HELZ: variants seen among roughly 807,000 people sequenced by gnomAD.
HELZ encodes ATP-dependent RNA helicase with zinc finger domain.
A neutral mutation model predicts 218.2 loss-of-function variants in HELZ; 23 were observed. The ratio of observed to expected loss-of-function variants is 0.11; its 90% CI spans 0.08 to 0.15. The LOEUF (loss-of-function observed/expected upper bound fraction) is 0.15. Ranked by LOEUF, HELZ falls within the 10% of genes least tolerant of loss-of-function variation. HELZ has a pLI of 1.00. For synonymous variants in HELZ, 814 were observed against 829.4 expected (o/e 0.98, Z 0.32); for missense variants, 1,813 against 2,353.7 (o/e 0.77, Z 4.75).
chr17:67,173,100 AAT>A (rs2039358648), intron 13 of HELZ: 1 of 909,998 alleles, frequency 1.1e-6, no homozygotes, highest in Non-Finnish European at 1.3e-6. Flanking sequence ...AATAAAATAA[AAT>A]AAAAGTCCTA....
intron 23 of HELZ, among the ~76,000 whole-genome samples, chr17:67,132,218 C>CTGTGTGTGTGTGTGTGTGTGTGTGTG (rs57691319): frequency 1.1e-4 from 17 of 147,974 alleles, no homozygotes; most frequent in South Asian, 1.1e-3. Context: ...CCTTAGGTCA[C>CTGTGTGTGTGTGTGTGTGTGTGTGTG]TGTGTGTGTG....
At chr17:67,182,424 G>A (rs1419125680) in intron 12 of HELZ, among the ~76,000 whole-genome samples, 1 of 152,194 alleles carries the variant, frequency 6.6e-6, no homozygotes, top group Middle Eastern at 3.4e-3. Context: ...TAGCCTGGGT[G>A]ACAAAGCAAG....
At chr17:67,190,525 T>C (rs544527292) in intron 9 of HELZ, among the ~76,000 whole-genome samples, 170 bp from the exon 10 acceptor site, 5 of 152,162 alleles carry the variant, frequency 3.3e-5, no homozygotes, top group African/African-American at 4.8e-5. Context: ...TTAGAGAACA[T>C]TTACAACAGT....
At position 67,078,238 on chromosome 17, in the gene HELZ, G is replaced by GAAA; in HGVS notation, c.*11_*13dup. 3.9e-6 allele frequency: 6 copies of GAAA among 1,541,244 alleles called. No individual in the cohort carries two copies. The highest frequency in any genetic ancestry group is 2.3e-5 in the South Asian group (2 of 85,614). Reference sequence around the variant, plus strand: ...GAAATTAAAACATTCTCCCTTGAGGGAAAAAAAAAGTGATTATTTAAAATA... The same window carrying GAAA: ...GAAATTAAAACATTCTCCCTTGAGGGAAAAAAAAAAAAGTGATTATTTAAAATA... On this transcript the variant is annotated 3_prime_UTR_variant, in exon 33 of 33. Transcript: ENST00000358691.
chr17:67,142,482 T>G (rs931032436), intron 21 of HELZ, among the ~76,000 whole-genome samples: 2 of 152,188 alleles, frequency 1.3e-5, no homozygotes, highest in Non-Finnish European at 2.9e-5. Context: ...CCTTCCAGCC[T>G]AGGTGACAGA....
At chr17:67,173,177 T>C (rs2039360443) in intron 13 of HELZ, 1 of 222,828 alleles carries the variant, frequency 4.5e-6, no homozygotes, top group African/African-American at 2.3e-5. Flanking sequence ...ATAGACTTTC[T>C]AGTAAAGGTT....
At position 67,160,925 on chromosome 17, in the gene HELZ, T is replaced by C; in HGVS notation, c.2047A>G (p.Lys683Glu). ...GTCTCCTGTTGCTGCAGAATATGTTTGACAGCCTGAGCTAGAGTGAACGTT... is the reference window on the plus strand; with the variant it reads ...GTCTCCTGTTGCTGCAGAATATGTTCGACAGCCTGAGCTAGAGTGAACGTT... ...GKTFTLAQAV[K>E]HILQQQETRI... Residue 683 changes from lysine to glutamate, a missense_variant, in exon 16 of 33, where the codon AAA (lysine) becomes GAA (glutamate). Lys to Glu is a moderately conservative substitution (Grantham distance 56). Around this residue, in one of 4 missense-constraint regions of HELZ, gnomAD observed 714 missense variants for 1,029.2 expected, o/e 0.69. Transcript: ENST00000358691. 1 of 1,609,828 alleles carries C rather than the reference T, an allele frequency of 6.2e-7. No homozygotes were observed. The highest frequency in any genetic ancestry group is 8.5e-7 in the Non-Finnish European group (1 of 1,178,134).
At chr17:67,154,450 A>T (rs1187115179) in intron 17 of HELZ, among the ~76,000 whole-genome samples, 3 of 152,168 alleles carry the variant, frequency 2.0e-5, no homozygotes, top group Non-Finnish European at 4.4e-5. Flanking sequence ...ATAATAATTT[A>T]AAAAGTAAAA....
chr17:67,110,997 A>C (rs772729723), intron 28 of HELZ, among the ~76,000 whole-genome samples: 7 of 152,248 alleles, frequency 4.6e-5, no homozygotes, highest in Non-Finnish European at 1.0e-4. Flanking sequence ...AAAGAGGTGG[A>C]ATATTCCAAG....
At chr17:67,227,466 T>C (rs933285438) in intron 3 of HELZ, among the ~76,000 whole-genome samples, 6 of 152,078 alleles carry the variant, frequency 3.9e-5, no homozygotes, top group East Asian at 3.9e-4. Flanking sequence ...GGATTACAGG[T>C]GTGAGCCACC....
Position 67,188,682 on chromosome 17 carries a change from T to G in HELZ, c.865-66A>C. 2 of 1,292,908 alleles carry G rather than the reference T, an allele frequency of 1.5e-6. No individual in the cohort carries two copies. The highest frequency in any genetic ancestry group is 2.2e-6 in the Non-Finnish European group (2 of 925,402). 80.1% of individuals were successfully genotyped at this position (1,292,908 alleles called of 1,614,324 possible). A position where few individuals can be genotyped will look rare whatever the true frequency, so the allele number is the denominator to read the frequency against. ...GAAAAATCCAATTGTAATTGGGCTC[T>G]TCAATGAAAATATTTCCATAAGGGA... On this transcript the variant is annotated intron_variant, in intron 11 of 32. Transcript: ENST00000358691. This position sits in a 1 kb window ranked among gnomAD's most constrained non-coding sequence, Gnocchi z 4.1.
intron 23 of HELZ, among the ~76,000 whole-genome samples, chr17:67,129,631 A>G (rs2037915190): frequency 1.3e-5 from 2 of 152,176 alleles, no homozygotes; most frequent in African/African-American, 4.8e-5. Context: ...ATAAGTGTTA[A>G]ATGAATTATG....
intron 5 of HELZ, among the ~76,000 whole-genome samples, chr17:67,213,992 T>C (rs1240124445): frequency 6.6e-6 from 1 of 152,222 alleles, no homozygotes; most frequent in African/African-American, 2.4e-5. Flanking sequence ...TTTGTCACTG[T>C]AAAGGCACAG....
chr17:67,104,998 T>C (rs1482126845), intron 31 of HELZ, among the ~76,000 whole-genome samples: 1 of 151,832 alleles, frequency 6.6e-6, no homozygotes, highest in Non-Finnish European at 1.5e-5. Flanking sequence ...CTGGGTGTGG[T>C]GGTGGGCGCC....
chr17:67,081,816 G>A (rs1307037520), intron 32 of HELZ, among the ~76,000 whole-genome samples: 1 of 152,204 alleles, frequency 6.6e-6, no homozygotes, highest in Non-Finnish European at 1.5e-5. Flanking sequence ...GGGCAGGGGG[G>A]TGCAGGTACA....
intron 32 of HELZ, among the ~76,000 whole-genome samples, 155 bp from the exon 33 acceptor site, chr17:67,078,741 TCACAA>T (rs1346499840): frequency 6.6e-6 from 1 of 152,044 alleles, no homozygotes; most frequent in South Asian, 2.1e-4. Flanking sequence ...AATGCTGAAA[TCACAA>T]CACATCCAAC....
chr17:67,202,868 A>G (rs1159285535), intron 6 of HELZ, among the ~76,000 whole-genome samples: 1 of 152,206 alleles, frequency 6.6e-6, no homozygotes, highest in Non-Finnish European at 1.5e-5. Flanking sequence ...TCACACCTAT[A>G]ATCCCAGCAC....
chr17:67,129,806 T>C (rs965146765), intron 23 of HELZ, among the ~76,000 whole-genome samples: 1 of 152,102 alleles, frequency 6.6e-6, no homozygotes, highest in African/African-American at 2.4e-5. Flanking sequence ...ATTAAATACA[T>C]ATTACAAAAG....
rs142655259 is a variant in HELZ, at chr17:67,124,943, T to C, written c.3388-929A>G. 2.1e-3 allele frequency among the ~76,000 whole-genome samples: 323 copies of C among 152,022 alleles called. 1 individual carries two copies. Among genetic ancestry groups the C allele is most frequent in the African/African-American group, 7.5e-3 (309 of 41,446 alleles). ...AAGCCAATTGAGGAAAAGTAGCACA[T>C]TGCGCAACTTACCTTTAGACACACA... On this transcript the variant is annotated intron_variant, in intron 24 of 32. Coordinates refer to ENST00000358691, the MANE Select transcript of HELZ (RefSeq NM_014877.4).
Sources: gnomAD v4.1 joint callset for allele counts (sites outside exome capture counted in the v4.1 genomes callset) on GRCh38, gnomAD v4.1.1 for gene constraint, gnomAD v4.1.1 regional missense constraint, Gnocchi (gnomAD v3.1) non-coding constraint, MANE v1.5 for transcripts, NCBI Gene and HGNC (gene_info 2026-07-23, HGNC 2026-07-21) for gene names.